SYNE2: variants seen among roughly 807,000 people sequenced by gnomAD.
SYNE2 encodes nesprin-2.
SYNE2 carries 431 observed loss-of-function variants against 856.3 expected under a neutral mutation model. That is an observed-to-expected ratio of 0.50 (90% CI 0.47 to 0.55). SYNE2 has a LOEUF of 0.55. Ranked by LOEUF, SYNE2 falls within the 20% of genes least tolerant of loss-of-function variation. The pLI is 0.00. For synonymous variants in SYNE2, 2,923 were observed against 2,872.3 expected, an observed-to-expected ratio of 1.02 and a Z score of -0.56; for missense variants, 8,129 against 8,023.2, an observed-to-expected ratio of 1.01 and a Z score of -0.50.
At chr14:63,786,029 T>C (rs1194771273) in intron 1 of SYNE2, among the ~76,000 whole-genome samples, 3 of 151,998 alleles carry the variant, frequency 2.0e-5, no homozygotes, top group Non-Finnish European at 2.9e-5. Context: ...GATGGGCGGA[T>C]CATCTGAGGT....
At chr14:64,221,762 C>G in intron 112 of SYNE2, 58 bp downstream of exon 112, 2 of 1,594,762 alleles carry the variant, frequency 1.3e-6, no homozygotes, top group Non-Finnish European at 1.7e-6. Context: ...CCCAGAGAGG[C>G]AGCACACTCA....
At chr14:63,850,993 T>C (rs545702451), upstream of SYNE2, among the ~76,000 whole-genome samples, 1 of 152,298 alleles carries the variant, frequency 6.6e-6, no homozygotes, top group African/African-American at 2.4e-5. Context: ...CCACAAATCC[T>C]AGAGCCCAAC....
chr14:64,165,163 A>G, intron 89 of SYNE2, 122 bp from the exon 90 acceptor site: 5 of 992,162 alleles, frequency 5.0e-6, no homozygotes, highest in Non-Finnish European at 7.8e-6. Flanking sequence ...CTGGGATTAC[A>G]GCCATGAGCC....
intron 92 of SYNE2, 100 bp downstream of exon 92, chr14:64,167,739 C>T: frequency 6.6e-7 from 1 of 1,522,580 alleles, no homozygotes; most frequent in South Asian, 1.2e-5. Context: ...CTATCAGTCC[C>T]TAAACACAGA....
chr14:64,174,686 AATC>A (rs2098425784), intron 94 of SYNE2, among the ~76,000 whole-genome samples: 1 of 152,180 alleles, frequency 6.6e-6, no homozygotes, highest in East Asian at 1.9e-4. Context: ...CTGTGCTGCT[AATC>A]ATTACACTGA....
At chr14:63,951,275 G>A (rs563111929) in intron 7 of SYNE2, among the ~76,000 whole-genome samples, 1 of 152,194 alleles carries the variant, frequency 6.6e-6, no homozygotes, top group Non-Finnish European at 1.5e-5. Context: ...GGCCAAGATA[G>A]AGCTGAAGTT....
chr14:63,978,095 T>C, intron 13 of SYNE2, 78 bp downstream of exon 13: 5 of 929,352 alleles, frequency 5.4e-6, no homozygotes, highest in Non-Finnish European at 8.9e-6. Context: ...GACCACAAAA[T>C]ACAGATTTTT....
rs1420244540 is a variant in SYNE2 at position 63,788,648 on chromosome 14, A to AG, written c.-305+26668dup. Among the ~76,000 whole-genome samples, 8 of 152,128 alleles carry AG rather than the reference A, an allele frequency of 5.3e-5. No homozygotes were observed. The East Asian group carries it at 1.5e-3, about 29-fold the overall frequency. On this transcript the variant is annotated intron_variant, in intron 1 of 23. Transcript: ENST00000674003. Reference sequence around the variant, plus strand: ...GAAGCTCCCGCCTTAACTCAGAAGGAGGGGGGTTCCTGCCTGTCCCGGCGT... The same window carrying AG: ...GAAGCTCCCGCCTTAACTCAGAAGGAGGGGGGGTTCCTGCCTGTCCCGGCGT...
chr14:64,054,244 T>C (rs1250339075), intron 48 of SYNE2, among the ~76,000 whole-genome samples: 1 of 152,082 alleles, frequency 6.6e-6, no homozygotes, highest in Non-Finnish European at 1.5e-5. Flanking sequence ...GCTCAGAACA[T>C]TTTTAAAAAT....
At position 64,106,060 on chromosome 14, in the gene SYNE2, A is replaced by G. The variant is rs535859831; in HGVS notation, c.12493-1431A>G. On this transcript the variant is annotated intron_variant, in intron 64 of 115. Coordinates refer to ENST00000555002, the MANE Select transcript of SYNE2 (RefSeq NM_182914.3). ...GTGAGGCCCTGTCTCAAAAAAAAAA[A>G]AAAGAAAGAAAGAAAAAGAAAGGCT... Among the ~76,000 whole-genome samples, 7 of 151,822 alleles carry G rather than the reference A, an allele frequency of 4.6e-5. No individual in the cohort carries two copies. In the South Asian group the frequency reaches 8.3e-4, roughly 18 times the overall value.
intron 45 of SYNE2, among the ~76,000 whole-genome samples, chr14:64,038,662 G>T (rs1046662306): frequency 6.6e-6 from 1 of 152,226 alleles, no homozygotes; most frequent in Non-Finnish European, 1.5e-5. Context: ...CCAACACAGC[G>T]AAACCCGGTC....
chr14:63,868,728 G>A (rs1373805452), intron 1 of SYNE2, among the ~76,000 whole-genome samples: 1 of 151,708 alleles, frequency 6.6e-6, no homozygotes, highest in African/African-American at 2.4e-5. Context: ...GTGCATGTGT[G>A]CGTGTGTGTG....
chr14:63,854,254 C>T (rs1296083270), intron 1 of SYNE2, among the ~76,000 whole-genome samples: 4 of 151,036 alleles, frequency 2.6e-5, no homozygotes, highest in Non-Finnish European at 5.9e-5. Flanking sequence ...TACTATTTGG[C>T]TATGCTAGGA....
chr14:64,052,631 T>A lies in SYNE2; in HGVS notation c.8718T>A (p.Asn2906Lys). Residue 2906 changes from asparagine to lysine, a missense_variant, in exon 48 of 116, where the codon AAT (asparagine) becomes AAA (lysine). Physicochemically the swap from Asn to Lys is moderately conservative, Grantham distance 94 (BLOSUM62 0). Transcript: ENST00000555002. ...TAACAAACATCTATGAGGAGCTGAA[T>A]GTGTTTGAAAGATTATTTCTGGAAG... The part of the protein sequence containing the change: ...QELTNIYEEL[N>K]VFERLFLEDQ... 2 of 1,614,118 alleles carry A rather than the reference T, an allele frequency of 1.2e-6. No homozygotes were observed. Among genetic ancestry groups the A allele is most frequent in the Non-Finnish European group, 1.7e-6 (2 of 1,180,020 alleles).
At chr14:64,189,690 T>TCTTCATTA (rs1458081026) in intron 98 of SYNE2, among the ~76,000 whole-genome samples, 2 of 152,252 alleles carry the variant, frequency 1.3e-5, no homozygotes, top group African/African-American at 4.8e-5. Flanking sequence ...TTAGAAGGTA[T>TCTTCATTA]GAGGTTTTGA....
chr14:63,906,673 T>C (rs1413222928), intron 1 of SYNE2, among the ~76,000 whole-genome samples: 1 of 152,170 alleles, frequency 6.6e-6, no homozygotes, highest in African/African-American at 2.4e-5. Flanking sequence ...TTATACTGAT[T>C]TGGATCTTCT....
rs114131616 is a variant in SYNE2, at chr14:64,211,543, C to T, written c.18724-418C>T. 1.9e-3 allele frequency among the ~76,000 whole-genome samples: 290 copies of T among 152,324 alleles called. 1 individual carries two copies. Among genetic ancestry groups the T allele is most frequent in the African/African-American group, 6.4e-3 (266 of 41,580 alleles). ...CCATCTTGAAGCTACTAAATCCTTC[C>T]GTCAAGCAAAAGCTGCAGAAGGCCA... is the stretch of plus-strand genomic sequence containing the variant. On this transcript the variant is annotated intron_variant, in intron 103 of 115. Coordinates refer to ENST00000555002, the MANE Select transcript of SYNE2 (RefSeq NM_182914.3).
chr14:63,999,021 C>T lies in SYNE2; in HGVS notation c.3461C>T (p.Ala1154Val), dbSNP rs780485148. 12 of 1,613,620 alleles carry T rather than the reference C, an allele frequency of 7.4e-6. No homozygotes were observed. In the South Asian group the frequency reaches 1.3e-4, roughly 18 times the overall value. ...GACAGGAGTAGTTCTTGTCTGCAGG[C>T]TAAACTGACAGATCTACAGGTAATT... is the stretch of plus-strand genomic sequence containing the variant. Reference protein sequence around the residue: ...EEDRSSSCLQAKLTDLQVIKN... With the variant: ...EEDRSSSCLQVKLTDLQVIKN... Residue 1154 changes from alanine to valine, a missense_variant, in exon 27 of 116, where the codon GCT becomes GTT. Ala to Val is a moderately conservative substitution (Grantham distance 64, BLOSUM62 0). This residue lies in a region of SYNE2 where 2,422 missense variants were observed against 2,357.4 expected (regional missense o/e 1.03). Transcript: ENST00000555002.
intron 66 of SYNE2, among the ~76,000 whole-genome samples, chr14:64,116,767 T>C (rs1430144573): frequency 6.6e-6 from 1 of 151,890 alleles, no homozygotes; most frequent in East Asian, 1.9e-4. Flanking sequence ...ATGAGAAAAA[T>C]AATTATAGAA....
Sources: allele counts gnomAD v4.1 joint callset (sites outside exome capture counted in the v4.1 genomes callset), GRCh38; gene constraint gnomAD v4.1.1; regional missense constraint gnomAD v4.1.1; transcripts MANE v1.5; gene names NCBI Gene and HGNC (gene_info 2026-07-23, HGNC 2026-07-21).